The following GLB1L2 variants were observed in gnomAD, a reference collection of about 807,000 sequenced individuals.
GLB1L2 encodes the protein beta-galactosidase-1-like protein 2.
In GLB1L2, 68 loss-of-function variants were observed where a neutral mutation model predicts 84.1. The ratio of observed to expected loss-of-function variants is 0.81; its 90% CI spans 0.67 to 0.99. GLB1L2 has a LOEUF of 0.99. GLB1L2 is among the 50% of genes least tolerant of loss of function. GLB1L2 has a pLI of 0.00. For missense variants in GLB1L2, 762 were observed against 805.6 expected, an observed-to-expected ratio of 0.95 and a Z score of 0.66; for synonymous variants, 290 against 318.0, an observed-to-expected ratio of 0.91 and a Z score of 0.94.
Position 134,359,124 on chromosome 11 carries a change from A to G in GLB1L2, c.716A>G (p.Lys239Arg), listed in dbSNP as rs1943746847. ...TCAGACAACAAGGATGGGCTGAGCA[A>G]GGGGATTGTCCAGGGAGGTAACTGC... ...LTSDNKDGLS[K>R]GIVQGVLATI... The change falls in exon 7 of 19, where the codon AAG (lysine) becomes AGG (arginine). Residue 239 changes from lysine to arginine, a missense_variant. Transcript: ENST00000535456. 1.9e-6 allele frequency: 3 copies of G among 1,604,404 alleles called. No individual in the cohort carries two copies. In the East Asian group the frequency reaches 6.8e-5, roughly 36 times the overall value.
At chr11:134,359,467 C>A (rs111283899) in intron 7 of GLB1L2, 1 of 215,506 alleles carries the variant, frequency 4.6e-6, no homozygotes, top group Non-Finnish European at 9.1e-6. Context: ...GCATGGGCCC[C>A]GAACCTGGTA....
In GLB1L2 at chr11:134,364,355, C is replaced by T; in HGVS notation, c.761C>T (p.Thr254Ile). 1.2e-6 allele frequency: 2 copies of T among 1,614,090 alleles called. No homozygotes were observed. Among genetic ancestry groups the T allele is most frequent in the Non-Finnish European group, 1.7e-6 (2 of 1,179,944 alleles). The stretch of plus-strand genomic sequence containing the variant: ...TTGGCCACCATCAACTTGCAGTCAA[C>T]ACACGAGCTGCAGCTACTGACCACC... ...GVLATINLQS[T>I]HELQLLTTFL... The change falls in exon 8 of 19, where the codon ACA (threonine) becomes ATA (isoleucine). Residue 254 changes from threonine to isoleucine, a missense_variant. Transcript: ENST00000535456.
At chr11:134,337,800 G>A (rs534573578) in intron 1 of GLB1L2, among the ~76,000 whole-genome samples, 1 of 152,248 alleles carries the variant, frequency 6.6e-6, no homozygotes, top group African/African-American at 2.4e-5. Context: ...GGGTGGAGGT[G>A]AGTGTTTTCT....
chr11:134,334,976 C>T lies in GLB1L2; in HGVS notation c.86+2829C>T, dbSNP rs1052732246. Among the ~76,000 whole-genome samples the T allele has an allele frequency of 1.3e-5, 2 of 152,046 alleles. No homozygotes were observed. The highest frequency in any genetic ancestry group is 2.4e-5 in the African/African-American group (1 of 41,380). ...ATAAATGAATCACCGAGCAAGAATA[C>T]AGGCAACGCTGCATCTCTCATACCT... On this transcript the variant is annotated intron_variant, in intron 1 of 18. Transcript: ENST00000535456. The surrounding 1 kb of genome is among the most constrained non-coding windows in gnomAD (Gnocchi z 4.1).
chr11:134,341,238 G>A (rs1415563690), intron 1 of GLB1L2, among the ~76,000 whole-genome samples: 3 of 152,280 alleles, frequency 2.0e-5, no homozygotes, highest in East Asian at 1.9e-4. Flanking sequence ...TTCAGATAGA[G>A]ATAAGACCCT....
rs763387614 is a variant in GLB1L2 at position 134,347,359 on chromosome 11, A to G, written c.484A>G (p.Thr162Ala). Residue 162 changes from threonine (T) to alanine (A), a missense_variant, in exon 5 of 19, where the codon ACA (threonine) becomes GCA (alanine). Thr to Ala is a moderately conservative substitution (Grantham distance 58). This residue lies in a region of GLB1L2 where 603 missense variants were observed against 611.7 expected (regional missense o/e 0.99). Coordinates refer to ENST00000535456, the MANE Select transcript of GLB1L2 (RefSeq NM_001370461.1). ...LLQDPGMRLR[T>A]TYKGFTEAVD... is the part of the protein sequence containing the mutation. ...CCAAGACCCTGGCATGAGGCTGAGGACAACTTACAAGGGCTTCACCGAAGC... is the reference window on the plus strand; with the variant it reads ...CCAAGACCCTGGCATGAGGCTGAGGGCAACTTACAAGGGCTTCACCGAAGC... The G allele has an allele frequency of 6.2e-7, 1 of 1,614,194 alleles. No homozygotes were observed. The highest frequency in any genetic ancestry group is 8.5e-7 in the Non-Finnish European group (1 of 1,180,018).
At chr11:134,352,535 G>T (rs867605376) in intron 5 of GLB1L2, among the ~76,000 whole-genome samples, 46 of 151,632 alleles carry the variant, frequency 3.0e-4, no homozygotes, top group African/African-American at 1.1e-3. Context: ...TAAGTTGTTG[G>T]TTTGAGACCT....
chr11:134,361,700 G>T (rs1943792189), intron 7 of GLB1L2, among the ~76,000 whole-genome samples: 1 of 152,188 alleles, frequency 6.6e-6, no homozygotes, highest in Non-Finnish European at 1.5e-5. Context: ...GTTCTGCCTG[G>T]GTCTGATCCG....
At chr11:134,367,219 C>A (rs10791357) in intron 8 of GLB1L2, 38 bp from the exon 9 acceptor site, 327,877 of 1,559,662 alleles carry the variant, frequency 0.21, 37,392 homozygotes, top group Admixed American at 0.37. Flanking sequence ...TTTTGTCTGG[C>A]CAGCCTGCTT....
intron 7 of GLB1L2, among the ~76,000 whole-genome samples, chr11:134,362,276 C>G (rs1027269774): frequency 5.3e-5 from 8 of 152,156 alleles, no homozygotes; most frequent in African/African-American, 1.7e-4. Context: ...TTATTTCTCT[C>G]CGAGGGTAGT....
intron 7 of GLB1L2, chr11:134,361,271 A>C (rs974468891): frequency 1.3e-5 from 2 of 152,214 alleles, no homozygotes; most frequent in Admixed American, 1.3e-4. Context: ...GGTTGCAGTG[A>C]GCCCCGATGG....
chr11:134,371,173 T>C, intron 13 of GLB1L2, 25 bp downstream of exon 13: 4 of 1,613,466 alleles, frequency 2.5e-6, no homozygotes, highest in Non-Finnish European at 3.4e-6. Flanking sequence ...TCTAAATTCC[T>C]GTGACCTTCT....
At chr11:134,371,322 C>A in intron 13 of GLB1L2, 99 bp from the exon 14 acceptor site, 1 of 1,187,340 alleles carries the variant, frequency 8.4e-7, no homozygotes, top group Non-Finnish European at 1.3e-6. Context: ...GGCCCCTCGT[C>A]TGCCTACAGG....
chr11:134,354,707 A>C (rs1943678354), intron 5 of GLB1L2, among the ~76,000 whole-genome samples: 2 of 152,148 alleles, frequency 1.3e-5, no homozygotes, highest in African/African-American at 4.8e-5. Context: ...TTCTGGCCTG[A>C]AAATTTTCTG....
chr11:134,363,113 C>A (rs1260188875), intron 7 of GLB1L2, among the ~76,000 whole-genome samples: 1 of 152,148 alleles, frequency 6.6e-6, no homozygotes, highest in African/African-American at 2.4e-5. Context: ...TCAGACTGGC[C>A]TCCTGTCTTC....
intron 14 of GLB1L2, 57 bp downstream of exon 14, chr11:134,371,549 G>T: frequency 8.7e-7 from 1 of 1,149,950 alleles, no homozygotes; most frequent in Non-Finnish European, 1.3e-6. Flanking sequence ...GAGGAAGTCT[G>T]GGGGCAGTCA....
chr11:134,374,843 A>AGTT, intron 18 of GLB1L2, 125 bp downstream of exon 18: 1 of 1,158,932 alleles, frequency 8.6e-7, no homozygotes, highest in Non-Finnish European at 1.3e-6. Context: ...GCTGCAGACG[A>AGTT]GTTGTTGGTC....
In GLB1L2 at chr11:134,374,122, CCTT is replaced by C. The variant is rs1275257071; in HGVS notation, c.1596-20_1596-18del. 5.2e-6 allele frequency: 8 copies of C among 1,552,602 alleles called. No homozygotes were observed. Among genetic ancestry groups the C allele is most frequent in the Non-Finnish European group, 7.1e-6 (8 of 1,124,202 alleles). ...GGATTGAGAAGGGCCTCCTCCCTCT[CCTT>C]CTCTGTGTTCTGTCCTTAGGTTCGG... is the stretch of plus-strand genomic sequence containing the variant. On this transcript the variant is annotated intron_variant, in intron 16 of 18. Transcript: ENST00000535456.
intron 6 of GLB1L2, among the ~76,000 whole-genome samples, chr11:134,356,925 C>T (rs1474764964): frequency 6.6e-6 from 1 of 152,196 alleles, no homozygotes; most frequent in Non-Finnish European, 1.5e-5. Context: ...TGCTTTCTGT[C>T]CCTTAGTAGC....
Sources: gnomAD v4.1 joint callset for allele counts (sites outside exome capture counted in the v4.1 genomes callset) on GRCh38, gnomAD v4.1.1 for gene constraint, gnomAD v4.1.1 regional missense constraint, Gnocchi (gnomAD v3.1) non-coding constraint, MANE v1.5 for transcripts, NCBI Gene and HGNC (gene_info 2026-07-23, HGNC 2026-07-21) for gene names.